Variants in NWD1 observed in about 807,000 individuals in gnomAD.
The protein encoded by NWD1 is NACHT domain- and WD repeat-containing protein 1.
A neutral mutation model predicts 135.1 loss-of-function variants in NWD1; 129 were observed. The ratio of observed to expected loss-of-function variants is 0.96; its 90% CI spans 0.83 to 1.11. The LOEUF (loss-of-function observed/expected upper bound fraction) is 1.11. NWD1 is among the 50% of genes least tolerant of loss of function. The pLI is 0.00. For missense variants in NWD1, 1,740 were observed against 1,851.3 expected (o/e 0.94, Z 1.10); for synonymous variants, 773 against 786.0 (o/e 0.98, Z 0.28).
At chr19:16,770,335 C>T (rs979659896) in intron 10 of NWD1, among the ~76,000 whole-genome samples, 1 of 152,118 alleles carries the variant, frequency 6.6e-6, no homozygotes, top group Non-Finnish European at 1.5e-5. Flanking sequence ...TTGCTCAGCT[C>T]TCATTCTTCT....
chr19:16,763,660 G>A (rs1159528635), intron 8 of NWD1, among the ~76,000 whole-genome samples, 168 bp from the exon 9 acceptor site: 7 of 152,074 alleles, frequency 4.6e-5, no homozygotes, highest in Non-Finnish European at 8.8e-5. Flanking sequence ...CCCAGATGTC[G>A]TCCTCTGCTC....
chr19:16,795,985 G>C (rs913914656), intron 15 of NWD1, among the ~76,000 whole-genome samples: 1 of 152,078 alleles, frequency 6.6e-6, no homozygotes, highest in Non-Finnish European at 1.5e-5. Flanking sequence ...AAAGTGATAA[G>C]GACAGAGAAT....
At chr19:16,763,694 G>T in intron 8 of NWD1, 134 bp from the exon 9 acceptor site, 1 of 658,426 alleles carries the variant, frequency 1.5e-6, no homozygotes, top group Non-Finnish European at 2.8e-6. Context: ...TGGGCACATG[G>T]GGGTATGTCT....
chr19:16,762,136 A>C lies in NWD1; in HGVS notation c.2131A>C (p.Lys711Gln), dbSNP rs1352561326. ...GGGGAAACCACTGAACTTGGACCGA[A>C]AGGTGAGGTACCTGGGACCCCCATT... ...LVGKPLNLDR[K>Q]VAPQPLWFSH... Residue 711 changes from lysine (K) to glutamine (Q), a missense_variant and splice_region_variant, in exon 8 of 19, where the codon AAG becomes CAG. Coordinates refer to ENST00000524140, the MANE Select transcript of NWD1 (RefSeq NM_001007525.5). 6.2e-7 allele frequency: 1 copy of C among 1,611,960 alleles called. No individual in the cohort carries two copies. Among genetic ancestry groups the C allele is most frequent in the Non-Finnish European group, 8.5e-7 (1 of 1,178,508 alleles).
chr19:16,759,992 CA>C (rs906131737), intron 7 of NWD1, among the ~76,000 whole-genome samples: 12 of 151,190 alleles, frequency 7.9e-5, no homozygotes, highest in African/African-American at 2.7e-4. Context: ...GACTCCATTT[CA>C]AAAAAAAGAA....
chr19:16,730,866 A>C (rs1055089037), intron 2 of NWD1, among the ~76,000 whole-genome samples: 1 of 151,844 alleles, frequency 6.6e-6, no homozygotes, highest in African/African-American at 2.4e-5. Flanking sequence ...CCACAAAATA[A>C]ATAAAATAAC....
intron 17 of NWD1, among the ~76,000 whole-genome samples, chr19:16,803,067 G>A (rs915234332): frequency 6.6e-6 from 1 of 152,130 alleles, no homozygotes; most frequent in African/African-American, 2.4e-5. Context: ...AGGCAAATGA[G>A]GAGCAAAGTC....
At chr19:16,722,789 G>A (rs756548539) in intron 1 of NWD1, among the ~76,000 whole-genome samples, 8 of 151,822 alleles carry the variant, frequency 5.3e-5, no homozygotes, top group Admixed American at 1.3e-4. Flanking sequence ...TTTAAGTCAC[G>A]TGATATTGGT....
At chr19:16,741,039 A>T (rs1037100079) in intron 4 of NWD1, among the ~76,000 whole-genome samples, 9 of 152,198 alleles carry the variant, frequency 5.9e-5, no homozygotes, top group African/African-American at 2.2e-4. Flanking sequence ...GGGTGCCTAT[A>T]ATCCCAGCTA....
intron 17 of NWD1, among the ~76,000 whole-genome samples, chr19:16,806,189 A>G (rs1568395666): frequency 1.3e-5 from 2 of 152,060 alleles, no homozygotes; most frequent in Non-Finnish European, 2.9e-5. Context: ...AGGAGTTTCT[A>G]TACCTCTATC....
At position 16,731,176 on chromosome 19, in the gene NWD1, A is replaced by T; in HGVS notation, c.-6-16A>T. ...TGAGTCCTTTCCACTAATACCCTCC[A>T]TGCCCTTCCTTGCAGATATGGATGC... On this transcript the variant is annotated splice_polypyrimidine_tract_variant and intron_variant, in intron 2 of 18. Transcript: ENST00000524140. 7.0e-7 allele frequency: 1 copy of T among 1,428,206 alleles called. No individual in the cohort carries two copies. The highest frequency in any genetic ancestry group is 9.5e-7 in the Non-Finnish European group (1 of 1,048,918). 88.5% of individuals were successfully genotyped at this position (1,428,206 alleles called of 1,614,324 possible).
At chr19:16,756,350 G>A (rs1420294292) in intron 6 of NWD1, among the ~76,000 whole-genome samples, 2 of 152,170 alleles carry the variant, frequency 1.3e-5, no homozygotes, top group East Asian at 1.9e-4. Flanking sequence ...TTCACATTGA[G>A]TAGGCAGAGG....
At position 16,766,580 on chromosome 19, in the gene NWD1, A is replaced by C. The variant is rs183385942; in HGVS notation, c.2410+1388A>C. Among the ~76,000 whole-genome samples the C allele has an allele frequency of 2.5e-4, 32 of 128,336 alleles. No homozygotes were observed. In the East Asian group the frequency reaches 6.2e-3, roughly 25 times the overall value. The allele number at this position is 128,336 out of a possible 152,430, so 84.2% of individuals were successfully genotyped here. Reference sequence around the variant, plus strand: ...TTTTGTTTTAATTATAGCAAAATACATGTCTTAACCATTTTTTTTTTTTGA... The same window carrying C: ...TTTTGTTTTAATTATAGCAAAATACCTGTCTTAACCATTTTTTTTTTTTGA... On this transcript the variant is annotated intron_variant, in intron 10 of 18. Coordinates refer to ENST00000524140, the MANE Select transcript of NWD1 (RefSeq NM_001007525.5).
At chr19:16,724,999 T>A (rs1318860309) in intron 2 of NWD1, among the ~76,000 whole-genome samples, 1 of 117,568 alleles carries the variant, frequency 8.5e-6, no homozygotes, top group Non-Finnish European at 1.9e-5. Flanking sequence ...TAGCCAAAAA[T>A]TTTTATTTAT....
intron 13 of NWD1, among the ~76,000 whole-genome samples, chr19:16,789,756 C>T (rs1257966818): frequency 2.2e-5 from 3 of 134,362 alleles, no homozygotes; most frequent in South Asian, 2.3e-4. Flanking sequence ...CCTGCTCTGT[C>T]GCCCAGGCTG....
intron 4 of NWD1, among the ~76,000 whole-genome samples, chr19:16,743,127 C>G (rs189474380): frequency 1.3e-3 from 199 of 151,914 alleles, no homozygotes; most frequent in African/African-American, 4.5e-3. Context: ...AGACTGGTCT[C>G]GAACTCCTCT....
chr19:16,740,326 G>T (rs1351643864), intron 4 of NWD1, among the ~76,000 whole-genome samples: 3 of 151,768 alleles, frequency 2.0e-5, no homozygotes, highest in Admixed American at 1.3e-4. Context: ...AAAAAGAATA[G>T]AAAAGAAATT....
At chr19:16,755,209 ATC>A (rs907853482) in intron 6 of NWD1, among the ~76,000 whole-genome samples, 3 of 151,650 alleles carry the variant, frequency 2.0e-5, no homozygotes, top group East Asian at 1.9e-4. Context: ...TATCATTAAT[ATC>A]TCTCTCTCTC....
intron 12 of NWD1, among the ~76,000 whole-genome samples, chr19:16,783,170 C>T (rs763225891): frequency 6.6e-6 from 1 of 151,424 alleles, no homozygotes; most frequent in Non-Finnish European, 1.5e-5. Context: ...GAGCTAGGAG[C>T]ACAGGTGCAT....
Sources: gnomAD v4.1 joint callset for allele counts (sites outside exome capture counted in the v4.1 genomes callset) on GRCh38, gnomAD v4.1.1 for gene constraint, MANE v1.5 for transcripts, NCBI Gene and HGNC (gene_info 2026-07-23, HGNC 2026-07-21) for gene names.